Variants in BRF1 observed in about 807,000 individuals in gnomAD.
BRF1 encodes transcription factor IIIB 90 kDa subunit.
A neutral mutation model predicts 81.7 loss-of-function variants in BRF1; 59 were observed. That is an observed-to-expected ratio of 0.72 (90% CI 0.59 to 0.90). The LOEUF is 0.90. BRF1 is among the 40% of genes least tolerant of loss of function. BRF1 has a pLI of 0.00. For synonymous variants in BRF1, 491 were observed against 395.6 expected (o/e 1.24, Z -2.86); for missense variants, 1,050 against 936.3 (o/e 1.12, Z -1.58).
rs587618952 is a variant in BRF1 at position 105,268,544 on chromosome 14, C to T, written c.439+4177G>A. ...GGTGATAGTGGACACACCTGAGGATCGGGCAACAATGAAGGGTGGGCAGAA... is the reference window on the plus strand; with the variant it reads ...GGTGATAGTGGACACACCTGAGGATTGGGCAACAATGAAGGGTGGGCAGAA... On this transcript the variant is annotated intron_variant, in intron 3 of 17. Transcript: ENST00000547530. 1.8e-4 allele frequency among the ~76,000 whole-genome samples: 28 copies of T among 152,338 alleles called. No homozygotes were observed. The East Asian group carries it at 4.6e-3, about 25-fold the overall frequency.
chr14:105,220,602 C>G (rs1892127381), intron 11 of BRF1, among the ~76,000 whole-genome samples: 1 of 152,142 alleles, frequency 6.6e-6, no homozygotes, highest in Non-Finnish European at 1.5e-5. Context: ...CCTGAGGGAG[C>G]CCTCCATGAT....
intron 6 of BRF1, among the ~76,000 whole-genome samples, chr14:105,229,489 C>A (rs2054367557): frequency 6.6e-6 from 1 of 152,204 alleles, no homozygotes; most frequent in Non-Finnish European, 1.5e-5. Context: ...AGTGAGGGCC[C>A]TGCCGACCTG....
At chr14:105,280,610 G>A (rs926140364) in intron 2 of BRF1, among the ~76,000 whole-genome samples, 6 of 151,364 alleles carry the variant, frequency 4.0e-5, no homozygotes, top group Admixed American at 3.3e-4. Context: ...TCCTGAGCCC[G>A]CGTGTGCAGG....
intron 15 of BRF1, among the ~76,000 whole-genome samples, chr14:105,214,040 G>A (rs986327325): frequency 1.3e-5 from 2 of 152,234 alleles, no homozygotes; most frequent in African/African-American, 2.4e-5. Context: ...AGGATGTGGG[G>A]CGCTGCGGCC....
rs754089539 is a variant in BRF1, at chr14:105,269,223, T to C, written c.439+3498A>G. 1.2e-3 allele frequency among the ~76,000 whole-genome samples: 176 copies of C among 152,026 alleles called. No homozygotes were observed. The highest frequency in any genetic ancestry group is 1.3e-3 in the Non-Finnish European group (90 of 67,984). On this transcript the variant is annotated intron_variant, in intron 3 of 17. Coordinates refer to ENST00000547530, the MANE Select transcript of BRF1 (RefSeq NM_001519.4). This position sits in a 1 kb window ranked among gnomAD's most constrained non-coding sequence, Gnocchi z 5.0. Reference sequence around the variant, plus strand: ...TGGCCTGACCCACTTCCCTCTAAAGTGCCGGCAAAGCAGGGGTGGGCTGGG... The same window carrying C: ...TGGCCTGACCCACTTCCCTCTAAAGCGCCGGCAAAGCAGGGGTGGGCTGGG...
At position 105,312,065 on chromosome 14, in the gene BRF1, C is replaced by A. The variant is rs898865626; in HGVS notation, c.-162+3257G>T. Among the ~76,000 whole-genome samples the A allele has an allele frequency of 2.6e-5, 4 of 152,342 alleles. No individual in the cohort carries two copies. In the South Asian group the frequency reaches 6.2e-4, roughly 24 times the overall value. On this transcript the variant is annotated intron_variant, in intron 1 of 17. Transcript: ENST00000327359. Reference sequence around the variant, plus strand: ...CTGGCCCTGGAGGAGGCCCCTCCCCCACTCCCCGACTTCAGCAGGGCCTGC... The same window carrying A: ...CTGGCCCTGGAGGAGGCCCCTCCCCAACTCCCCGACTTCAGCAGGGCCTGC...
chr14:105,286,629 G>A (rs1015046905), intron 1 of BRF1, among the ~76,000 whole-genome samples: 6 of 151,640 alleles, frequency 4.0e-5, no homozygotes, highest in Admixed American at 1.3e-4. Flanking sequence ...TTTTTGAGAC[G>A]GAGTCTCCCT....
chr14:105,252,539 G>A lies in BRF1; in HGVS notation c.512C>T (p.Ala171Val). ...YVLGKTFLLL[A>V]RELCINAPAI... is the part of the protein sequence containing the mutation. ...CGGCGCATTGATGCAGAGCTCTCTT[G>A]CCAAGAGAAGAAACGTCTTTCCAAG... Residue 171 changes from alanine to valine, a missense_variant, in exon 5 of 18, where the codon GCA becomes GTA. Ala to Val is a moderately conservative substitution (Grantham distance 64, BLOSUM62 0). Transcript: ENST00000547530. The A allele has an allele frequency of 6.2e-7, 1 of 1,613,882 alleles. No individual in the cohort carries two copies. The highest frequency in any genetic ancestry group is 8.5e-7 in the Non-Finnish European group (1 of 1,179,996).
intron 2 of BRF1, among the ~76,000 whole-genome samples, chr14:105,273,506 C>T (rs1026307180): frequency 2.0e-5 from 3 of 152,094 alleles, no homozygotes; most frequent in Non-Finnish European, 4.4e-5. Context: ...GTTACTGTGT[C>T]TATGCAGAAA....
intron 14 of BRF1, among the ~76,000 whole-genome samples, chr14:105,218,107 C>T (rs920628540): frequency 2.6e-5 from 4 of 152,216 alleles, no homozygotes; most frequent in African/African-American, 7.2e-5. Context: ...GGGTCCCACA[C>T]AGGGCAGGGC....
At position 105,295,303 on chromosome 14, in the gene BRF1, C is replaced by CAAAA. The variant is rs869251134; in HGVS notation, c.184+5139_184+5142dup. Among the ~76,000 whole-genome samples the CAAAA allele has an allele frequency of 9.6e-3, 351 of 36,432 alleles. 15 individuals carry two copies. Among genetic ancestry groups the CAAAA allele is most frequent in the African/African-American group, 0.027 (298 of 11,046 alleles). The allele number at this position is 36,432 out of a possible 152,430, so 23.9% of individuals were successfully genotyped here. On this transcript the variant is annotated intron_variant, in intron 1 of 17. Coordinates refer to ENST00000547530, the MANE Select transcript of BRF1 (RefSeq NM_001519.4). ...GCAGCAAAGCAAGACCACATCTCTA[C>CAAAA]AAAAAAAAAAAAAAAAAAAAAAAAA...
At chr14:105,311,005 T>C (rs748277602) in intron 1 of BRF1, among the ~76,000 whole-genome samples, 1 of 152,184 alleles carries the variant, frequency 6.6e-6, no homozygotes, top group East Asian at 1.9e-4. Context: ...CAGGCTGGAG[T>C]GCAGTGGCAC....
At position 105,226,100 on chromosome 14, in the gene BRF1, G is replaced by A; in HGVS notation, c.1017C>T (p.Ala339=). The change falls in exon 10 of 18, where the codon GCC becomes GCT. Residue 339 remains alanine, a synonymous_variant. Transcript: ENST00000547530. ...EIELENSRPK[A]KGGLASLAKD... ...TTGCCAGGCTGGCCAGGCCCCCCTT[G>A]GCCTTTGGCCGGCTGTTTTCTAGTT... is the stretch of plus-strand genomic sequence containing the variant. 1 of 1,613,878 alleles carries A rather than the reference G, an allele frequency of 6.2e-7. No individual in the cohort carries two copies. The highest frequency in any genetic ancestry group is 8.5e-7 in the Non-Finnish European group (1 of 1,180,028).
chr14:105,248,333 G>C, intron 5 of BRF1: 1 of 985,494 alleles, frequency 1.0e-6, no homozygotes, highest in Non-Finnish European at 1.2e-6. Context: ...GCTAACTGAA[G>C]AACGGGCGCA....
chr14:105,251,729 A>C (rs1454137738), intron 5 of BRF1, among the ~76,000 whole-genome samples: 3 of 152,006 alleles, frequency 2.0e-5, no homozygotes, highest in Non-Finnish European at 4.4e-5. Flanking sequence ...CAAAGTAAGA[A>C]AGGGGCCTCT....
chr14:105,210,643 G>A lies in BRF1; in HGVS notation c.1997-55C>T, dbSNP rs1595222046. The stretch of plus-strand genomic sequence containing the variant: ...GGTCTCTGTGGGACCCAGGAGCCCA[G>A]ACCCCCCAACCCGCCCTGTTCCTGG... On this transcript the variant is annotated intron_variant, in intron 17 of 17. Transcript: ENST00000547530. This position sits in a 1 kb window ranked among gnomAD's most constrained non-coding sequence, Gnocchi z 4.7. The A allele has an allele frequency of 5.6e-6, 9 of 1,596,600 alleles. No homozygotes were observed. In the East Asian group the frequency reaches 1.8e-4, roughly 32 times the overall value.
rs1304024631 is a variant in BRF1, at chr14:105,272,868, TC to T, written c.291del (p.Asn98ThrfsTer5). 6.2e-7 allele frequency: 1 copy of T among 1,613,334 alleles called. No homozygotes were observed. ...QNGRRHIHHL[G>X]NQLQLNQHCL... is the part of the protein sequence containing the mutation. ...CAGTGCTGGTTCAGCTGCAGCTGGTTCCCCAGGTGGTGGATGTGGCGCCTCC... is the reference window on the plus strand; with the variant it reads ...CAGTGCTGGTTCAGCTGCAGCTGGTTCCCAGGTGGTGGATGTGGCGCCTCC... On this transcript the variant is annotated frameshift_variant, in exon 3 of 18. Transcript: ENST00000547530. LOFTEE classifies it high-confidence loss of function.
chr14:105,300,499 A>G lies in BRF1; in HGVS notation c.131T>C (p.Val44Ala). 6.5e-7 allele frequency: 1 copy of G among 1,536,982 alleles called. No individual in the cohort carries two copies. Among genetic ancestry groups the G allele is most frequent in the Non-Finnish European group, 8.7e-7 (1 of 1,144,460 alleles). Residue 44 changes from valine to alanine, a missense_variant, in exon 1 of 18, where the codon GTG becomes GCG. Val to Ala is a moderately conservative substitution (Grantham distance 64). Coordinates refer to ENST00000547530, the MANE Select transcript of BRF1 (RefSeq NM_001519.4). ...DNIIVSEVQF[V>A]ESSGGGSSAV... is the part of the protein sequence containing the mutation. ...CGAGGAGCCGCCGCCGCTGCTCTCC[A>G]CGAACTGCACCTCGGACACGATGAT...
rs587620053 is a variant in BRF1, at chr14:105,240,988, G to T, written c.694+277C>A. Among the ~76,000 whole-genome samples, 3 of 152,352 alleles carry T rather than the reference G, an allele frequency of 2.0e-5. No homozygotes were observed. In the East Asian group the frequency reaches 5.8e-4, roughly 29 times the overall value. On this transcript the variant is annotated intron_variant, in intron 6 of 17. Coordinates refer to ENST00000547530, the MANE Select transcript of BRF1 (RefSeq NM_001519.4). ...CGAGACCACGGGCAGGGATGCCCAT[G>T]CAGCCGCACCCCAGAAGTAGGCAAC...
Sources: allele counts gnomAD v4.1 joint callset (sites outside exome capture counted in the v4.1 genomes callset), GRCh38; gene constraint gnomAD v4.1.1; non-coding constraint Gnocchi (gnomAD v3.1); transcripts MANE v1.5; gene names NCBI Gene and HGNC (gene_info 2026-07-23, HGNC 2026-07-21).